PUDP: variants seen among roughly 807,000 people sequenced by gnomAD.
PUDP encodes the protein pseudouridine 5'-phosphatase.
A neutral mutation model predicts 9.4 loss-of-function variants in PUDP; 8 were observed. That is an observed-to-expected ratio of 0.85 (90% CI 0.50 to 1.53). The LOEUF (loss-of-function observed/expected upper bound fraction) is 1.53. PUDP is among the 40% of genes most tolerant of loss of function. The probability of loss-of-function intolerance (pLI) is 0.00; values close to 1 mark genes in which losing one functional copy is unlikely to be tolerated. For missense variants in PUDP, 188 were observed against 189.7 expected (o/e 0.99, Z 0.05); for synonymous variants, 99 against 80.7 (o/e 1.23, Z -1.22).
At chrX:7,010,127 T>C (rs1454632158) in intron 1 of PUDP, among the ~76,000 whole-genome samples, 1 of 111,801 alleles carries the variant, frequency 8.9e-6, no homozygotes, top group African/African-American at 3.3e-5. Flanking sequence ...TTAATACATA[T>C]CTGGTGAGGA....
At chrX:6,922,855 A>C (rs1324064685) in intron 3 of PUDP, among the ~76,000 whole-genome samples, 3 of 112,195 alleles carry the variant, frequency 2.7e-5, no homozygotes, top group Non-Finnish European at 5.6e-5. Context: ...TTTCATCTTA[A>C]ACAAAATAAA....
At chrX:6,781,321 C>T (rs1226922050) in intron 3 of PUDP, among the ~76,000 whole-genome samples, 1 of 111,584 alleles carries the variant, frequency 9.0e-6, no homozygotes, top group African/African-American at 3.3e-5. Context: ...TCAAGGGATA[C>T]GCATCTAAAA....
intron 1 of PUDP, among the ~76,000 whole-genome samples, chrX:6,713,345 G>T (rs1197747581): frequency 8.9e-6 from 1 of 112,121 alleles, no homozygotes; most frequent in Non-Finnish European, 1.9e-5. Context: ...TGGACATTAT[G>T]ACGGTGCAAC....
intron 1 of PUDP, among the ~76,000 whole-genome samples, chrX:7,130,889 AAAT>A (rs1189562978): frequency 8.9e-6 from 1 of 111,736 alleles, no homozygotes; most frequent in Non-Finnish European, 1.9e-5. Flanking sequence ...CTGTCTCAAA[AAAT>A]AATAATAATA....
In PUDP at chrX:7,050,382, G is replaced by C; in HGVS notation, c.601C>G (p.Arg201Gly). ...VVMVPDGNLSRDLTTKATLVL... is the reference protein window; with the variant it reads ...VVMVPDGNLSGDLTTKATLVL... ...AGGGTGGCCTTTGTTGTCAGATCTC[G>C]GCTCAAGTTTCCGTCAGGAACCATG... The change falls in exon 4 of 4, where the codon CGA becomes GGA. Residue 201 changes from arginine to glycine, a missense_variant. Physicochemically the swap from Arg to Gly is moderately radical, Grantham distance 125 (BLOSUM62 -2). Coordinates refer to ENST00000381077, the MANE Select transcript of PUDP (RefSeq NM_012080.5). 1 of 1,210,997 alleles carries C rather than the reference G, an allele frequency of 8.3e-7. No individual in the cohort carries two copies. Among genetic ancestry groups the C allele is most frequent in the Non-Finnish European group, 1.1e-6 (1 of 894,974 alleles).
At chrX:6,941,855 GAAAA>G (rs1429744531) in intron 3 of PUDP, among the ~76,000 whole-genome samples, 1 of 111,858 alleles carries the variant, frequency 8.9e-6, no homozygotes, top group Non-Finnish European at 1.9e-5. Flanking sequence ...GTGTGTATGA[GAAAA>G]ATTAAGATCT....
At chrX:6,729,479 C>T (rs1229182949) in intron 3 of PUDP, among the ~76,000 whole-genome samples, 1 of 112,345 alleles carries the variant, frequency 8.9e-6, no homozygotes, top group Middle Eastern at 4.2e-3. Context: ...GGCTGTGTCA[C>T]GGACACGTGT....
upstream of PUDP, among the ~76,000 whole-genome samples, chrX:6,724,596 T>C (rs1479646556): frequency 9.1e-6 from 1 of 110,250 alleles, no homozygotes; most frequent in Non-Finnish European, 1.9e-5. Context: ...CAAGGTTAAG[T>C]GAAATTTGTG....
rs746294600 is a variant in PUDP at position 7,057,907 on chromosome X, G to A, written c.511-7435C>T. ...AGGTTTTCAAGAGGGAAGGAGAAGG[G>A]CCCGCGGCTTGTGATGCTCTCGTGT... On this transcript the variant is annotated intron_variant, in intron 3 of 3. Coordinates refer to ENST00000381077, the MANE Select transcript of PUDP (RefSeq NM_012080.5). 6 of 618,210 alleles carry A rather than the reference G, an allele frequency of 9.7e-6. No individual in the cohort carries two copies. The Admixed American group carries it at 1.8e-4, about 19-fold the overall frequency. 50.9% of individuals were successfully genotyped at this position (618,210 alleles called of 1,213,427 possible). A position where few individuals can be genotyped will look rare whatever the true frequency, so the allele number is the denominator to read the frequency against.
At chrX:6,976,593 C>A (rs182486150) in intron 3 of PUDP, among the ~76,000 whole-genome samples, 1 of 112,036 alleles carries the variant, frequency 8.9e-6, no homozygotes, top group East Asian at 2.8e-4. Flanking sequence ...CAGAAATCAT[C>A]TGCCTTTTGC....
intron 3 of PUDP, among the ~76,000 whole-genome samples, chrX:6,755,915 C>T (rs928180489): frequency 1.8e-5 from 2 of 110,687 alleles, no homozygotes; most frequent in African/African-American, 6.6e-5. Context: ...AGAGAGCTTT[C>T]CCAGGAGATG....
chrX:7,039,349 C>T (rs1254264701), intron 1 of PUDP, among the ~76,000 whole-genome samples: 3 of 112,249 alleles, frequency 2.7e-5, no homozygotes, highest in Non-Finnish European at 5.6e-5. Context: ...CATTATATAA[C>T]AGAAATGTTA....
At chrX:7,138,562 G>A (rs908906934) in intron 1 of PUDP, among the ~76,000 whole-genome samples, 1 of 110,687 alleles carries the variant, frequency 9.0e-6, no homozygotes, top group Non-Finnish European at 1.9e-5. Context: ...TAGTAGAGAT[G>A]GGGTTTCGCC....
intron 3 of PUDP, among the ~76,000 whole-genome samples, chrX:6,737,006 G>T (rs1034976309): frequency 9.0e-6 from 1 of 111,288 alleles, no homozygotes; most frequent in Non-Finnish European, 1.9e-5. Flanking sequence ...TAAAATAACA[G>T]TTTTTTTAAA....
intron 3 of PUDP, among the ~76,000 whole-genome samples, chrX:6,852,513 T>C (rs1406571084): frequency 9.0e-6 from 1 of 111,530 alleles, no homozygotes; most frequent in African/African-American, 3.3e-5. Context: ...AGGGTCTGTT[T>C]ATAGCTTAAA....
At chrX:7,069,014 G>T (rs1210059331) in intron 3 of PUDP, among the ~76,000 whole-genome samples, 1 of 111,809 alleles carries the variant, frequency 8.9e-6, no homozygotes, top group Non-Finnish European at 1.9e-5. Context: ...TCACCCAGGG[G>T]GATGGGACAG....
intron 3 of PUDP, among the ~76,000 whole-genome samples, chrX:6,932,002 T>C (rs1296804467): frequency 8.9e-6 from 1 of 112,305 alleles, no homozygotes; most frequent in East Asian, 2.8e-4. Flanking sequence ...AATTAATTCA[T>C]CCCTTATCTC....
chrX:6,750,702 G>A (rs183120735), intron 3 of PUDP, among the ~76,000 whole-genome samples: 198 of 111,372 alleles, frequency 1.8e-3, no homozygotes, highest in Middle Eastern at 0.014. Context: ...ATGCACTATC[G>A]GCTTCACAAA....
upstream of PUDP, among the ~76,000 whole-genome samples, chrX:6,725,892 G>A (rs984281043): frequency 6.3e-5 from 7 of 111,552 alleles, no homozygotes; most frequent in Non-Finnish European, 7.5e-5. Flanking sequence ...ACGACCATTC[G>A]ATCCAACAAT....
Sources: allele counts gnomAD v4.1 joint callset (sites outside exome capture counted in the v4.1 genomes callset), GRCh38; gene constraint gnomAD v4.1.1; transcripts MANE v1.5; gene names NCBI Gene and HGNC (gene_info 2026-07-23, HGNC 2026-07-21).